Variants in FHIT observed in about 807,000 individuals in gnomAD.
The protein encoded by FHIT is fragile histidine triad diadenosine triphosphatase.
Under a neutral mutation model 17.9 loss-of-function variants are expected in FHIT, and 19 were observed. The observed-to-expected ratio is 1.06, with a 90% CI of 0.74 to 1.56. FHIT has a LOEUF of 1.56. FHIT is among the 40% of genes most tolerant of loss of function. The probability of loss-of-function intolerance (pLI) is 0.00; values close to 1 mark genes in which losing one functional copy is unlikely to be tolerated. For synonymous variants in FHIT, 81 were observed against 69.7 expected (o/e 1.16, Z -0.81); for missense variants, 248 against 189.2 (o/e 1.31, Z -1.82).
chr3:61,187,168 T>C (rs555426438), intron 2 of FHIT, among the ~76,000 whole-genome samples: 93 of 152,284 alleles, frequency 6.1e-4, no homozygotes, highest in African/African-American at 2.1e-3. Flanking sequence ...AATATACAAA[T>C]AATGATTGAG....
chr3:59,835,457 C>T (rs1424074125), intron 8 of FHIT, among the ~76,000 whole-genome samples: 2 of 152,080 alleles, frequency 1.3e-5, no homozygotes, highest in Non-Finnish European at 2.9e-5. Context: ...ACTGCAAAGA[C>T]ACAAAGAAGA....
At chr3:60,439,416 T>G (rs2030588371) in intron 5 of FHIT, among the ~76,000 whole-genome samples, 1 of 152,166 alleles carries the variant, frequency 6.6e-6, no homozygotes, top group Admixed American at 6.6e-5. Flanking sequence ...TCTACTGTGC[T>G]CTGTGCAAAG....
intron 9 of FHIT, chr3:59,751,197 A>G (rs1420610225): frequency 1.1e-5 from 2 of 176,678 alleles, no homozygotes; most frequent in African/African-American, 2.4e-5. Context: ...TGGTAACCCT[A>G]TATTTATAAA....
intron 5 of FHIT, among the ~76,000 whole-genome samples, chr3:60,185,855 T>A (rs901241713): frequency 6.6e-6 from 1 of 152,186 alleles, no homozygotes; most frequent in African/African-American, 2.4e-5. Flanking sequence ...CACCAGTGGC[T>A]GTGTGATAGT....
chr3:59,749,008 C>G lies in FHIT; in HGVS notation c.*577G>C, dbSNP rs1700738881. Among the ~76,000 whole-genome samples the G allele has an allele frequency of 6.6e-6, 1 of 152,166 alleles. No homozygotes were observed. The highest frequency in any genetic ancestry group is 1.5e-5 in the Non-Finnish European group (1 of 68,024). The stretch of plus-strand genomic sequence containing the variant: ...TTAAACTTGCTCTGCCTAAGACTAG[C>G]TTGCTGCTGAGGGAATAATCACGAA... On this transcript the variant is annotated 3_prime_UTR_variant, in exon 10 of 10. Transcript: ENST00000492590.
intron 5 of FHIT, among the ~76,000 whole-genome samples, chr3:60,294,913 T>C (rs1476363236): frequency 5.3e-5 from 8 of 152,188 alleles, no homozygotes; most frequent in Admixed American, 5.2e-4. Flanking sequence ...CACAGTTCAT[T>C]TAACTATTCA....
chr3:61,112,839 A>C (rs1034679508), intron 2 of FHIT, among the ~76,000 whole-genome samples: 5 of 152,192 alleles, frequency 3.3e-5, no homozygotes, highest in Admixed American at 2.6e-4. Flanking sequence ...CAAGAGGCTG[A>C]TGAGGCATTA....
chr3:60,873,523 G>A (rs1454987789), intron 3 of FHIT, among the ~76,000 whole-genome samples: 1 of 152,136 alleles, frequency 6.6e-6, no homozygotes, highest in Non-Finnish European at 1.5e-5. Flanking sequence ...CTACAGATGG[G>A]TTTACCATTC....
At chr3:60,487,624 T>C (rs970705416) in intron 5 of FHIT, among the ~76,000 whole-genome samples, 2 of 152,208 alleles carry the variant, frequency 1.3e-5, no homozygotes, top group African/African-American at 4.8e-5. Context: ...GCCTTTCAAT[T>C]ACTCCGTGCT....
chr3:60,149,890 T>G (rs551214310), intron 5 of FHIT, among the ~76,000 whole-genome samples: 4 of 149,986 alleles, frequency 2.7e-5, no homozygotes, highest in African/African-American at 9.8e-5. Flanking sequence ...AATGAAAGAG[T>G]TGTAATGTCT....
chr3:59,896,639 A>G (rs1704085471), intron 8 of FHIT, among the ~76,000 whole-genome samples: 2 of 152,226 alleles, frequency 1.3e-5, no homozygotes, highest in African/African-American at 2.4e-5. Context: ...ATAATGAAAT[A>G]ATTTTACTAA....
intron 3 of FHIT, among the ~76,000 whole-genome samples, chr3:60,993,072 T>G (rs1308078430): frequency 6.6e-6 from 1 of 152,132 alleles, no homozygotes; most frequent in East Asian, 1.9e-4. Flanking sequence ...TATGGCCATA[T>G]CATCACAACC....
intron 5 of FHIT, among the ~76,000 whole-genome samples, chr3:60,393,583 T>C (rs1701318083): frequency 6.6e-6 from 1 of 152,024 alleles, no homozygotes; most frequent in Non-Finnish European, 1.5e-5. Context: ...GTGGAGTCCT[T>C]CCATTGAAGA....
At chr3:60,412,134 G>C (rs1702083878) in intron 5 of FHIT, among the ~76,000 whole-genome samples, 1 of 152,188 alleles carries the variant, frequency 6.6e-6, no homozygotes, top group South Asian at 2.1e-4. Flanking sequence ...CAACTACTTA[G>C]GAAGCTGAAG....
rs750421810 is a variant in FHIT at position 59,978,620 on chromosome 3, C to T, written c.279+32751G>A. On this transcript the variant is annotated intron_variant, in intron 7 of 9. Transcript: ENST00000492590. The stretch of plus-strand genomic sequence containing the variant: ...TATCTAAGTAGAAGTTTAGAAACAA[C>T]GGGGCTTTGGGGAGCTGCTGAGGAG... Among the ~76,000 whole-genome samples, 9 of 151,154 alleles carry T rather than the reference C, an allele frequency of 6.0e-5. No individual in the cohort carries two copies. In the East Asian group the frequency reaches 6.0e-4, roughly 10 times the overall value.
chr3:60,571,415 T>C (rs1276370538), intron 4 of FHIT, among the ~76,000 whole-genome samples: 2 of 141,000 alleles, frequency 1.4e-5, no homozygotes, highest in Non-Finnish European at 3.1e-5. Context: ...AAAATTGCCA[T>C]CCAGGGGAAA....
intron 5 of FHIT, among the ~76,000 whole-genome samples, chr3:60,522,850 G>T (rs547361410): frequency 9.9e-5 from 15 of 152,242 alleles, no homozygotes; most frequent in African/African-American, 3.6e-4. Flanking sequence ...GGCCAACTTT[G>T]TGACCCATCT....
chr3:60,104,258 A>T (rs1339234958), intron 5 of FHIT, among the ~76,000 whole-genome samples: 1 of 152,138 alleles, frequency 6.6e-6, no homozygotes, highest in East Asian at 1.9e-4. Flanking sequence ...TTGTCAACAC[A>T]TCATCAATCA....
At chr3:60,755,598 A>G (rs1024664880) in intron 4 of FHIT, among the ~76,000 whole-genome samples, 1 of 152,212 alleles carries the variant, frequency 6.6e-6, no homozygotes, top group Non-Finnish European at 1.5e-5. Flanking sequence ...TCACATCATC[A>G]GTCACATCAG....
Sources: gnomAD v4.1 joint callset for allele counts (sites outside exome capture counted in the v4.1 genomes callset) on GRCh38, gnomAD v4.1.1 for gene constraint, MANE v1.5 for transcripts, NCBI Gene and HGNC (gene_info 2026-07-23, HGNC 2026-07-21) for gene names.